PRCP: variants seen among roughly 807,000 people sequenced by gnomAD.
PRCP encodes the protein lysosomal Pro-X carboxypeptidase.
In PRCP, 46 loss-of-function variants were observed where a neutral mutation model predicts 54.2. The observed-to-expected ratio is 0.85, with a 90% CI of 0.67 to 1.09. PRCP has a LOEUF of 1.09. Among genes scored for constraint, PRCP ranks in the 50% least tolerant of loss-of-function variants. The pLI is 0.00. For missense variants in PRCP, 613 were observed against 596.8 expected (o/e 1.03, Z -0.28); for synonymous variants, 240 against 212.2 (o/e 1.13, Z -1.14).
Position 82,838,368 on chromosome 11 carries a change from T to C in PRCP, c.1274+19A>G. 1 of 1,589,758 alleles carries C rather than the reference T, an allele frequency of 6.3e-7. No individual in the cohort carries two copies. Among genetic ancestry groups the C allele is most frequent in the East Asian group, 2.2e-5 (1 of 44,588 alleles). On this transcript the variant is annotated intron_variant, in intron 8 of 8. Transcript: ENST00000313010. ...ATGTTCCACCAACTGAAGTTTATCT[T>C]TGGACAGCAAAAACTCACCTGAAAA...
At chr11:82,850,200 G>A (rs1205897570) in intron 4 of PRCP, 124 bp downstream of exon 4, 1 of 1,020,506 alleles carries the variant, frequency 9.8e-7, no homozygotes, top group Non-Finnish European at 1.3e-6. Flanking sequence ...TAACACAGCT[G>A]TTAATGAGAC....
chr11:82,836,893 A>G, intron 8 of PRCP: 1 of 391,988 alleles, frequency 2.6e-6, no homozygotes, highest in African/African-American at 2.1e-5. Flanking sequence ...GGTTCTACAG[A>G]CGGTAATAAC....
At chr11:82,874,882 T>C (rs1859567902) in intron 1 of PRCP, among the ~76,000 whole-genome samples, 1 of 152,086 alleles carries the variant, frequency 6.6e-6, no homozygotes, top group Non-Finnish European at 1.5e-5. Context: ...TCAACGCCAC[T>C]CCCTTCATGA....
Position 82,824,705 on chromosome 11 carries a change from GGTGCAAAGACA to G in PRCP, c.*190_*200del. ...TATCAAGAAGATTCTTCCTAGACGT[GGTGCAAAGACA>G]GTGAGAACCCAGGAAATCACATTCA... On this transcript the variant is annotated 3_prime_UTR_variant, in exon 9 of 9. Transcript: ENST00000313010. 1 of 574,738 alleles carries G rather than the reference GGTGCAAAGACA, an allele frequency of 1.7e-6. No homozygotes were observed. Among genetic ancestry groups the G allele is most frequent in the Non-Finnish European group, 3.1e-6 (1 of 326,614 alleles). The allele number at this position is 574,738 out of a possible 1,614,324, so 35.6% of individuals were successfully genotyped here. A position where few individuals can be genotyped will look rare whatever the true frequency, so the allele number is the denominator to read the frequency against.
At chr11:82,896,448 G>T in intron 1 of PRCP, among the ~76,000 whole-genome samples, 1 of 151,952 alleles carries the variant, frequency 6.6e-6, no homozygotes, top group Non-Finnish European at 1.5e-5. Context: ...GGCCAAGGTG[G>T]GTGGATCACT....
upstream of PRCP, chr11:82,900,673 G>C: frequency 1.6e-6 from 1 of 620,564 alleles, no homozygotes; most frequent in Non-Finnish European, 3.0e-6. Flanking sequence ...CACACCCCAA[G>C]TCTGCCCTTA....
At chr11:82,859,886 A>T in intron 2 of PRCP, 91 bp downstream of exon 2, 5 of 1,260,738 alleles carry the variant, frequency 4.0e-6, no homozygotes, top group Non-Finnish European at 5.3e-6. Flanking sequence ...AAGAACAGCA[A>T]TGTTTGGTCA....
At position 82,824,606 on chromosome 11, in the gene PRCP, G is replaced by A. The variant is rs1160333979; in HGVS notation, c.*300C>T. The A allele has an allele frequency of 1.2e-5, 4 of 347,464 alleles. No homozygotes were observed. Among genetic ancestry groups the A allele is most frequent in the Non-Finnish European group, 2.1e-5 (4 of 186,926 alleles). 21.5% of individuals were successfully genotyped at this position (347,464 alleles called of 1,614,324 possible). A position where few individuals can be genotyped will look rare whatever the true frequency, so the allele number is the denominator to read the frequency against. ...CTCTGCTTGCAGAGATACAAAGAAA[G>A]TAACTCTCCCTCTTATGAAAAGCAA... is the stretch of plus-strand genomic sequence containing the variant. On this transcript the variant is annotated 3_prime_UTR_variant, in exon 9 of 9. Transcript: ENST00000313010.
chr11:82,876,012 C>A (rs772541817), intron 1 of PRCP, among the ~76,000 whole-genome samples: 1 of 152,154 alleles, frequency 6.6e-6, no homozygotes, highest in Non-Finnish European at 1.5e-5. Flanking sequence ...AAATTACTAC[C>A]TCATCCTCAA....
chr11:82,878,715 G>A (rs1030375869), intron 1 of PRCP, among the ~76,000 whole-genome samples: 1 of 152,156 alleles, frequency 6.6e-6, no homozygotes, highest in Non-Finnish European at 1.5e-5. Flanking sequence ...CTTCCTTCAG[G>A]AACGCTTGTA....
At chr11:82,900,174 T>A (rs1418852285) in intron 1 of PRCP, 61 bp downstream of exon 1, 1 of 1,582,676 alleles carries the variant, frequency 6.3e-7, no homozygotes, top group East Asian at 2.2e-5. Flanking sequence ...TTGCCCGGGC[T>A]CTGAGGGTCA....
rs183153929 is a variant in PRCP, at chr11:82,867,867, G to A, written c.169-7750C>T. 9.2e-5 allele frequency among the ~76,000 whole-genome samples: 14 copies of A among 152,062 alleles called. No homozygotes were observed. In the East Asian group the frequency reaches 2.5e-3, roughly 27 times the overall value. ...CTCGAGAGTAGCTGTAACTAAAGGC[G>A]CACACCACCACACCCGGTTTGTTAA... is the stretch of plus-strand genomic sequence containing the variant. On this transcript the variant is annotated intron_variant, in intron 1 of 8. Coordinates refer to ENST00000313010, the MANE Select transcript of PRCP (RefSeq NM_005040.4).
At chr11:82,839,506 T>C (rs774327860) in intron 6 of PRCP, 81 bp from the exon 7 acceptor site, 12 of 1,420,422 alleles carry the variant, frequency 8.4e-6, no homozygotes, top group South Asian at 6.1e-5. Context: ...AGAAGAAATA[T>C]GATTTTGATC....
chr11:82,884,952 C>A, intron 1 of PRCP: 11 of 1,583,206 alleles, frequency 6.9e-6, no homozygotes, highest in Non-Finnish European at 8.6e-6. Flanking sequence ...ACACACCTCC[C>A]AGCTCAAACA....
At chr11:82,853,675 A>G (rs989202755) in intron 2 of PRCP, among the ~76,000 whole-genome samples, 2 of 152,170 alleles carry the variant, frequency 1.3e-5, no homozygotes, top group Non-Finnish European at 2.9e-5. Context: ...TAGCATCATT[A>G]TGATACAACA....
intron 1 of PRCP, among the ~76,000 whole-genome samples, chr11:82,874,565 C>A (rs974086162): frequency 6.6e-6 from 1 of 151,638 alleles, no homozygotes; most frequent in African/African-American, 2.4e-5. Context: ...ATGGCATGCA[C>A]CTGTAGTACC....
intron 1 of PRCP, among the ~76,000 whole-genome samples, chr11:82,888,146 G>A (rs942053465): frequency 3.9e-5 from 6 of 152,138 alleles, no homozygotes; most frequent in Admixed American, 3.3e-4. Flanking sequence ...CCCTTATGAT[G>A]GGTGAGAAAA....
In PRCP at chr11:82,838,593, G is replaced by A. The variant is rs770282184; in HGVS notation, c.1087-19C>T. On this transcript the variant is annotated intron_variant, in intron 7 of 8. Coordinates refer to ENST00000313010, the MANE Select transcript of PRCP (RefSeq NM_005040.4). ...TGCAGGCCTAAGAAGCAAACCAAGA[G>A]AGAATCCAATTAGAAAAATGAGGCA... The A allele has an allele frequency of 3.1e-6, 5 of 1,591,022 alleles. No homozygotes were observed. The highest frequency in any genetic ancestry group is 3.6e-5 in the Admixed American group (2 of 54,952).
chr11:82,885,664 G>T (rs948163121), intron 1 of PRCP, among the ~76,000 whole-genome samples: 1 of 152,272 alleles, frequency 6.6e-6, no homozygotes, highest in Admixed American at 6.5e-5. Flanking sequence ...CTAAGAGCTG[G>T]TAGACTTTCA....
Sources: gnomAD v4.1 joint callset for allele counts (sites outside exome capture counted in the v4.1 genomes callset) on GRCh38, gnomAD v4.1.1 for gene constraint, MANE v1.5 for transcripts, NCBI Gene and HGNC (gene_info 2026-07-23, HGNC 2026-07-21) for gene names.